TMTC1: variants seen among roughly 807,000 people sequenced by gnomAD.
TMTC1 encodes protein O-mannosyl-transferase TMTC1.
In TMTC1, 73 loss-of-function variants were observed where a neutral mutation model predicts 104.8. The ratio of observed to expected loss-of-function variants is 0.70; its 90% confidence interval spans 0.58 to 0.85. The LOEUF (loss-of-function observed/expected upper bound fraction) is 0.85, where lower values mean the gene tolerates loss of function less well. TMTC1 is among the 40% of genes least tolerant of loss of function. The pLI is 0.00. For missense variants in TMTC1, 1,035 were observed against 1,096.1 expected (o/e 0.94, Z 0.79); for synonymous variants, 434 against 428.7 (o/e 1.01, Z -0.15).
intron 5 of TMTC1, among the ~76,000 whole-genome samples, chr12:29,695,251 A>C (rs1941382529): frequency 6.6e-6 from 1 of 152,150 alleles, no homozygotes; most frequent in Non-Finnish European, 1.5e-5. Context: ...CAAGATCCTT[A>C]ATTAATTACA....
intron 10 of TMTC1, among the ~76,000 whole-genome samples, chr12:29,537,269 GT>G (rs539882197): frequency 2.0e-4 from 31 of 152,136 alleles, no homozygotes; most frequent in Non-Finnish European, 4.3e-4. Context: ...TTGCGTGCTT[GT>G]GTTTTTACTA....
At chr12:29,737,851 C>G (rs754567574) in intron 5 of TMTC1, among the ~76,000 whole-genome samples, 2 of 152,176 alleles carry the variant, frequency 1.3e-5, no homozygotes, top group South Asian at 2.1e-4. Flanking sequence ...ATGAGCTGCA[C>G]GCTGTTTACC....
chr12:29,564,269 T>C (rs981163383), intron 9 of TMTC1, among the ~76,000 whole-genome samples: 2 of 152,020 alleles, frequency 1.3e-5, no homozygotes, highest in African/African-American at 4.8e-5. Context: ...GGAAAGATAA[T>C]GGTAGAGTCA....
intron 5 of TMTC1, among the ~76,000 whole-genome samples, chr12:29,668,927 G>C (rs1940397625): frequency 6.6e-6 from 1 of 152,188 alleles, no homozygotes; most frequent in South Asian, 2.1e-4. Context: ...TGTAGTGATT[G>C]CTGCAGGTTG....
At position 29,572,535 on chromosome 12, in the gene TMTC1, G is replaced by C. The variant is rs143485251; in HGVS notation, c.1419-317C>G. Among the ~76,000 whole-genome samples the C allele has an allele frequency of 4.3e-4, 66 of 152,268 alleles. 1 individual carries two copies. In the East Asian group the frequency reaches 9.9e-3, roughly 23 times the overall value. ...GAGACACAGCTGGAGTCTGGGTAAG[G>C]CTCTGTCGCTCTTCCTGAGGCTTTT... On this transcript the variant is annotated intron_variant, in intron 8 of 17. Coordinates refer to ENST00000539277, the MANE Select transcript of TMTC1 (RefSeq NM_001193451.2).
In TMTC1 at chr12:29,689,446, T is replaced by A. The variant is rs145994072; in HGVS notation, c.939-56110A>T. On this transcript the variant is annotated intron_variant, in intron 5 of 17. Coordinates refer to ENST00000539277, the MANE Select transcript of TMTC1 (RefSeq NM_001193451.2). ...CTCCTGCCTCAGCCTCCCGAGTAGC[T>A]GGGACTACAGGCGTGCGCCACCACA... Among the ~76,000 whole-genome samples the A allele has an allele frequency of 5.3e-4, 80 of 152,224 alleles. No individual in the cohort carries two copies. The East Asian group carries it at 0.015, about 29-fold the overall frequency.
At chr12:29,664,657 TACA>T (rs1940204028) in intron 5 of TMTC1, among the ~76,000 whole-genome samples, 1 of 152,226 alleles carries the variant, frequency 6.6e-6, no homozygotes, top group Non-Finnish European at 1.5e-5. Flanking sequence ...ATTCACCACT[TACA>T]ACAATTCCAT....
At chr12:29,713,040 A>G (rs1591963088) in intron 5 of TMTC1, among the ~76,000 whole-genome samples, 2 of 152,000 alleles carry the variant, frequency 1.3e-5, no homozygotes, top group African/African-American at 4.8e-5. Flanking sequence ...CTGTTTTCAT[A>G]ATGTGGGCGA....
intron 14 of TMTC1, 79 bp downstream of exon 14, chr12:29,517,348 T>C: frequency 6.6e-7 from 1 of 1,512,130 alleles, no homozygotes; most frequent in African/African-American, 1.4e-5. Flanking sequence ...AGCTCCAGTT[T>C]TGAGGCGTGA....
At chr12:29,530,156 C>A (rs2288131) in intron 11 of TMTC1, among the ~76,000 whole-genome samples, 1 of 152,060 alleles carries the variant, frequency 6.6e-6, no homozygotes, top group Admixed American at 6.5e-5. Flanking sequence ...CCTAAGTCCC[C>A]AATCTGACTC....
intron 9 of TMTC1, chr12:29,568,736 T>A: frequency 2.9e-6 from 1 of 339,334 alleles, no homozygotes; most frequent in South Asian, 2.4e-5. Context: ...ATCAATATCT[T>A]GACTTTATTC....
At chr12:29,616,992 C>G (rs1946998701) in intron 6 of TMTC1, among the ~76,000 whole-genome samples, 1 of 152,054 alleles carries the variant, frequency 6.6e-6, no homozygotes, top group Non-Finnish European at 1.5e-5. Flanking sequence ...TTGTTTGAAC[C>G]AATGAGTGGT....
chr12:29,612,045 CT>C (rs1565709318), intron 6 of TMTC1, among the ~76,000 whole-genome samples: 1 of 152,100 alleles, frequency 6.6e-6, no homozygotes, highest in Non-Finnish European at 1.5e-5. Flanking sequence ...GAAGCAAGGG[CT>C]TCAAACTGAG....
intron 5 of TMTC1, among the ~76,000 whole-genome samples, chr12:29,719,124 A>G (rs2136873107): frequency 6.6e-6 from 1 of 152,338 alleles, no homozygotes. Context: ...AAATAAAATA[A>G]TAGTGCATTT....
chr12:29,720,785 C>T (rs763416186), intron 5 of TMTC1, among the ~76,000 whole-genome samples: 4 of 151,960 alleles, frequency 2.6e-5, no homozygotes, highest in Non-Finnish European at 5.9e-5. Context: ...TGGCAAGAAG[C>T]CCATTCCACA....
At chr12:29,637,950 T>A (rs940685540) in intron 5 of TMTC1, among the ~76,000 whole-genome samples, 3 of 152,196 alleles carry the variant, frequency 2.0e-5, no homozygotes, top group African/African-American at 7.2e-5. Context: ...GGGTCCACTG[T>A]ACACACTCAC....
At chr12:29,773,896 A>T (rs1943649692) in intron 1 of TMTC1, among the ~76,000 whole-genome samples, 1 of 151,990 alleles carries the variant, frequency 6.6e-6, no homozygotes, top group Non-Finnish European at 1.5e-5. Flanking sequence ...CCTACATCAC[A>T]CCTGGCCTAC....
intron 10 of TMTC1, among the ~76,000 whole-genome samples, chr12:29,540,752 T>G (rs1023732727): frequency 2.6e-5 from 4 of 152,028 alleles, no homozygotes; most frequent in Non-Finnish European, 4.4e-5. Context: ...CCCAGCACTT[T>G]CGGAGGCCGA....
At chr12:29,739,927 C>T (rs922742616) in intron 5 of TMTC1, among the ~76,000 whole-genome samples, 4 of 151,912 alleles carry the variant, frequency 2.6e-5, no homozygotes, top group Non-Finnish European at 5.9e-5. Flanking sequence ...CAAGAGGTCT[C>T]GAACTCTTGA....
Sources: allele counts gnomAD v4.1 joint callset (sites outside exome capture counted in the v4.1 genomes callset), GRCh38; gene constraint gnomAD v4.1.1; transcripts MANE v1.5; gene names NCBI Gene and HGNC (gene_info 2026-07-23, HGNC 2026-07-21).